The following CHN2 variants were observed in gnomAD, a reference collection of about 807,000 sequenced individuals.
CHN2 encodes beta-chimaerin.
In CHN2, 35 loss-of-function variants were observed where a neutral mutation model predicts 56.3. The ratio of observed to expected loss-of-function variants is 0.62; its 90% CI spans 0.47 to 0.82. The LOEUF (loss-of-function observed/expected upper bound fraction) is 0.82. Among genes scored for constraint, CHN2 ranks in the 40% least tolerant of loss-of-function variants. The pLI, the probability that CHN2 is intolerant of heterozygous loss-of-function variation, is 0.00. For missense variants in CHN2, 491 were observed against 580.5 expected (o/e 0.85, Z 1.58); for synonymous variants, 210 against 212.8 (o/e 0.99, Z 0.12).
chr7:29,160,777 G>A (rs763192776), intron 2 of CHN2, among the ~76,000 whole-genome samples: 2 of 152,138 alleles, frequency 1.3e-5, no homozygotes, highest in African/African-American at 2.4e-5. Context: ...TCTTAATGAC[G>A]TTGATCTAAC....
intron 1 of CHN2, among the ~76,000 whole-genome samples, chr7:29,226,133 GA>G (rs1193573372): frequency 2.0e-5 from 3 of 152,108 alleles, no homozygotes; most frequent in Non-Finnish European, 4.4e-5. Context: ...AAAAAACACA[GA>G]ACAATGAGCT....
At chr7:29,277,348 T>C (rs1179079695) in intron 1 of CHN2, among the ~76,000 whole-genome samples, 1 of 152,218 alleles carries the variant, frequency 6.6e-6, no homozygotes, top group Non-Finnish European at 1.5e-5. Context: ...GTGTGTTACC[T>C]GACTACAAGT....
At chr7:29,354,968 A>ATTT (rs1160787952) in intron 2 of CHN2, among the ~76,000 whole-genome samples, 2 of 149,748 alleles carry the variant, frequency 1.3e-5, no homozygotes, top group African/African-American at 4.9e-5. Flanking sequence ...TTATTTATTT[A>ATTT]TTTATTTTTT....
chr7:29,463,717 T>A (rs1457285907), intron 6 of CHN2, among the ~76,000 whole-genome samples: 3 of 152,120 alleles, frequency 2.0e-5, no homozygotes, highest in Non-Finnish European at 4.4e-5. Flanking sequence ...CAGGTCACAA[T>A]GTGGAATGCT....
At chr7:29,438,535 C>T (rs1783407120) in intron 6 of CHN2, among the ~76,000 whole-genome samples, 1 of 152,048 alleles carries the variant, frequency 6.6e-6, no homozygotes, top group African/African-American at 2.4e-5. Flanking sequence ...TTAGAAACAA[C>T]TCTGCAATGA....
chr7:29,455,122 C>A (rs3847003), intron 6 of CHN2, among the ~76,000 whole-genome samples: 8,898 of 152,078 alleles, frequency 0.059, 412 homozygotes, highest in East Asian at 0.26. Flanking sequence ...TTCCAGGCTA[C>A]GGATGTAATG....
chr7:29,487,156 C>A (rs1270425471), intron 7 of CHN2, among the ~76,000 whole-genome samples: 1 of 151,924 alleles, frequency 6.6e-6, no homozygotes, highest in Non-Finnish European at 1.5e-5. Flanking sequence ...ATTGCACCTG[C>A]AAATTGACAC....
At chr7:29,288,153 T>C (rs1379258335) in intron 1 of CHN2, among the ~76,000 whole-genome samples, 1 of 152,152 alleles carries the variant, frequency 6.6e-6, no homozygotes, top group Non-Finnish European at 1.5e-5. Flanking sequence ...GGTAGTTGGC[T>C]GGAGCTGTGT....
intron 1 of CHN2, among the ~76,000 whole-genome samples, chr7:29,310,770 C>T (rs1330551783): frequency 6.6e-6 from 1 of 152,146 alleles, no homozygotes; most frequent in Non-Finnish European, 1.5e-5. Flanking sequence ...GAAGGTGGTT[C>T]TCCAGAGTCT....
chr7:29,389,444 A>C (rs142026238), intron 3 of CHN2, among the ~76,000 whole-genome samples: 1 of 152,164 alleles, frequency 6.6e-6, no homozygotes, highest in African/African-American at 2.4e-5. Context: ...AGGGGGCTTG[A>C]TTAAATTACA....
chr7:29,224,109 G>A (rs1200455924), intron 1 of CHN2, among the ~76,000 whole-genome samples: 1 of 152,146 alleles, frequency 6.6e-6, no homozygotes, highest in African/African-American at 2.4e-5. Flanking sequence ...GGGAAGGACT[G>A]TCACAGCTGA....
rs3815512 is a variant in CHN2 at position 29,496,046 on chromosome 7, G to T, written c.739+10G>T. On this transcript the variant is annotated intron_variant, in intron 8 of 12. Coordinates refer to ENST00000222792, the MANE Select transcript of CHN2 (RefSeq NM_004067.4). ...GGGGTCCGGTGCTCAGGTAGACACAGAACTTTCTTCTTTTCCAATTATATG... is the reference window on the plus strand; with the variant it reads ...GGGGTCCGGTGCTCAGGTAGACACATAACTTTCTTCTTTTCCAATTATATG... The T allele has an allele frequency of 6.2e-7, 1 of 1,601,502 alleles. No individual in the cohort carries two copies. The highest frequency in any genetic ancestry group is 8.5e-7 in the Non-Finnish European group (1 of 1,174,912).
intron 6 of CHN2, among the ~76,000 whole-genome samples, chr7:29,426,346 T>C (rs1804867845): frequency 6.6e-6 from 1 of 152,060 alleles, no homozygotes; most frequent in African/African-American, 2.4e-5. Context: ...TATGGACTAG[T>C]AGTTTAAAGT....
At chr7:29,466,228 G>GAGGAAGGAAGGAAGGA (rs70980538) in intron 6 of CHN2, among the ~76,000 whole-genome samples, 1 of 150,738 alleles carries the variant, frequency 6.6e-6, no homozygotes, top group East Asian at 2.0e-4. Context: ...GAGAGGAAGA[G>GAGGAAGGAAGGAAGGA]AGGAAGGAAG....
chr7:29,386,264 A>G (rs575807704), intron 3 of CHN2, among the ~76,000 whole-genome samples: 1 of 152,232 alleles, frequency 6.6e-6, no homozygotes, highest in South Asian at 2.1e-4. Flanking sequence ...TTGATTTCTA[A>G]TTAAAAAGGA....
At chr7:29,316,971 G>T (rs1380679413) in intron 1 of CHN2, among the ~76,000 whole-genome samples, 4 of 152,168 alleles carry the variant, frequency 2.6e-5, no homozygotes, top group Non-Finnish European at 5.9e-5. Context: ...TTTAGTCATT[G>T]TACTAGAGTT....
intron 2 of CHN2, among the ~76,000 whole-genome samples, chr7:29,175,982 C>G (rs1021090853): frequency 1.3e-5 from 2 of 151,988 alleles, no homozygotes; most frequent in African/African-American, 2.4e-5. Context: ...GTCAGGAGAT[C>G]AAGACCATCC....
intron 6 of CHN2, among the ~76,000 whole-genome samples, chr7:29,406,082 ATTG>A (rs1332301251): frequency 1.3e-5 from 2 of 152,140 alleles, no homozygotes; most frequent in African/African-American, 4.8e-5. Context: ...TCAGAGTGTT[ATTG>A]TTGTTGCTGT....
At chr7:29,180,224 C>T (rs935553872) in intron 2 of CHN2, among the ~76,000 whole-genome samples, 2 of 152,214 alleles carry the variant, frequency 1.3e-5, no homozygotes, top group African/African-American at 4.8e-5. Flanking sequence ...AATGTGATAA[C>T]GTACCAATAG....
Sources: gnomAD v4.1 joint callset for allele counts (sites outside exome capture counted in the v4.1 genomes callset) on GRCh38, gnomAD v4.1.1 for gene constraint, MANE v1.5 for transcripts, NCBI Gene and HGNC (gene_info 2026-07-23, HGNC 2026-07-21) for gene names.